KCNQ5: variants seen among roughly 807,000 people sequenced by gnomAD.
The protein encoded by KCNQ5 is potassium voltage-gated channel subfamily KQT member 5.
In KCNQ5, 30 loss-of-function variants were observed where a neutral mutation model predicts 98.2. The ratio of observed to expected loss-of-function variants is 0.31; its 90% CI spans 0.23 to 0.41. The LOEUF is 0.41. KCNQ5 is among the 10% of genes least tolerant of loss of function. The probability of loss-of-function intolerance (pLI) is 1.00; values close to 1 mark genes in which losing one functional copy is unlikely to be tolerated. For missense variants in KCNQ5, 835 were observed against 1,182.5 expected (o/e 0.71, Z 4.31); for synonymous variants, 458 against 449.4 (o/e 1.02, Z -0.24).
At chr6:72,739,887 A>G (rs1453802984) in intron 1 of KCNQ5, among the ~76,000 whole-genome samples, 1 of 152,216 alleles carries the variant, frequency 6.6e-6, no homozygotes, top group Non-Finnish European at 1.5e-5. Context: ...AGTTTAGGCT[A>G]TTATATTAAT....
chr6:73,108,597 C>T (rs923302809), intron 6 of KCNQ5, among the ~76,000 whole-genome samples: 13 of 152,126 alleles, frequency 8.5e-5, no homozygotes, highest in African/African-American at 2.7e-4. Context: ...GAGGCCGAGG[C>T]GGTCGGATCA....
intron 3 of KCNQ5, among the ~76,000 whole-genome samples, chr6:73,057,602 A>G (rs1487248255): frequency 6.6e-6 from 1 of 152,178 alleles, no homozygotes; most frequent in Non-Finnish European, 1.5e-5. Context: ...GTAATCTGAG[A>G]TGATATAAAT....
At chr6:72,969,841 A>G (rs953968880) in intron 1 of KCNQ5, among the ~76,000 whole-genome samples, 1 of 152,184 alleles carries the variant, frequency 6.6e-6, no homozygotes, top group Non-Finnish European at 1.5e-5. Flanking sequence ...CACTCCCAGG[A>G]ATTCAGGTAC....
chr6:72,850,495 C>T (rs1014656376), intron 1 of KCNQ5, among the ~76,000 whole-genome samples: 4 of 152,214 alleles, frequency 2.6e-5, no homozygotes, highest in Non-Finnish European at 5.9e-5. Context: ...TTCATTGTAA[C>T]TCCTGGAAAA....
At chr6:73,170,936 AAAAATAAAAT>A (rs149081545) in intron 11 of KCNQ5, among the ~76,000 whole-genome samples, 7,598 of 152,066 alleles carry the variant, frequency 0.05, 236 homozygotes, top group Middle Eastern at 0.088. Context: ...TCTGCCTCCA[AAAAATAAAAT>A]AAAATAAAAT....
intron 1 of KCNQ5, among the ~76,000 whole-genome samples, chr6:72,704,664 T>C (rs1768985877): frequency 6.6e-6 from 1 of 152,114 alleles, no homozygotes; most frequent in Non-Finnish European, 1.5e-5. Context: ...TCCATTCATG[T>C]AAATATAAAG....
chr6:72,854,467 T>C (rs886971206), intron 1 of KCNQ5, among the ~76,000 whole-genome samples: 4 of 151,858 alleles, frequency 2.6e-5, no homozygotes, highest in African/African-American at 9.7e-5. Flanking sequence ...TATGTGTTCA[T>C]TTATGTAAAA....
chr6:73,106,413 A>G (rs1005248414), intron 6 of KCNQ5, among the ~76,000 whole-genome samples: 2 of 152,200 alleles, frequency 1.3e-5, no homozygotes, highest in Non-Finnish European at 2.9e-5. Context: ...GGCTGCCTTA[A>G]CAAGTACCAC....
chr6:73,195,458 A>G lies in KCNQ5; in HGVS notation c.*44A>G, dbSNP rs1562230583. Reference sequence around the variant, plus strand: ...AGGCATAGCAGTTCTTTAGCCATACATATCATTGCATGAACTATTTCGAAA... The same window carrying G: ...AGGCATAGCAGTTCTTTAGCCATACGTATCATTGCATGAACTATTTCGAAA... On this transcript the variant is annotated 3_prime_UTR_variant, in exon 14 of 14. Transcript: ENST00000370398. 1.3e-6 allele frequency: 2 copies of G among 1,577,168 alleles called. No individual in the cohort carries two copies. Among genetic ancestry groups the G allele is most frequent in the Non-Finnish European group, 1.7e-6 (2 of 1,162,356 alleles).
chr6:72,857,274 T>G (rs1268049321), intron 1 of KCNQ5, among the ~76,000 whole-genome samples: 5 of 151,994 alleles, frequency 3.3e-5, no homozygotes, highest in Non-Finnish European at 7.4e-5. Flanking sequence ...CATTTTATTC[T>G]TTTTTTTCAT....
At chr6:72,656,818 G>A (rs964267070) in intron 1 of KCNQ5, among the ~76,000 whole-genome samples, 2 of 152,100 alleles carry the variant, frequency 1.3e-5, no homozygotes, top group African/African-American at 4.8e-5. Context: ...CACTGCCATT[G>A]ACCATTGCAT....
At chr6:72,956,596 G>A (rs1767079061) in intron 1 of KCNQ5, among the ~76,000 whole-genome samples, 1 of 143,242 alleles carries the variant, frequency 7.0e-6, no homozygotes, top group Non-Finnish European at 1.5e-5. Flanking sequence ...GGTAGAAACA[G>A]GGTCTTGCTA....
Position 73,055,629 on chromosome 6 carries a change from T to C in KCNQ5, c.616+13567T>C. 4 of 1,202,662 alleles carry C rather than the reference T, an allele frequency of 3.3e-6. No homozygotes were observed. In the South Asian group the frequency reaches 4.8e-5, roughly 15 times the overall value. The allele number at this position is 1,202,662 out of a possible 1,614,324, so 74.5% of individuals were successfully genotyped here. A position where few individuals can be genotyped will look rare whatever the true frequency, so the allele number is the denominator to read the frequency against. On this transcript the variant is annotated intron_variant, in intron 3 of 13. Coordinates refer to ENST00000370398, the MANE Select transcript of KCNQ5 (RefSeq NM_019842.4). ...CCCCAGATCAAGGAGGGGAAATGGG[T>C]ACTGACTGCAGCCCATGGCAACAGC... is the stretch of plus-strand genomic sequence containing the variant.
At chr6:73,089,413 C>A (rs751388333) in intron 5 of KCNQ5, among the ~76,000 whole-genome samples, 1 of 151,902 alleles carries the variant, frequency 6.6e-6, no homozygotes, top group Non-Finnish European at 1.5e-5. Context: ...TGTCCCCCAG[C>A]GATTATTTTT....
chr6:72,916,425 G>A lies in KCNQ5; in HGVS notation c.399-87483G>A, dbSNP rs12660812. ...AACCAAAAGAAAATCTAAGCAAGCC[G>A]GAGGGGAATAAAAAATAGGAACTGT... On this transcript the variant is annotated intron_variant, in intron 1 of 13. Coordinates refer to ENST00000370398, the MANE Select transcript of KCNQ5 (RefSeq NM_019842.4). Among the ~76,000 whole-genome samples the A allele has an allele frequency of 6.5e-3, 994 of 152,214 alleles. 4 individuals carry two copies. The highest frequency in any genetic ancestry group is 0.021 in the East Asian group (106 of 5,166).
chr6:72,805,299 G>A (rs1774895248), intron 1 of KCNQ5, among the ~76,000 whole-genome samples: 1 of 152,060 alleles, frequency 6.6e-6, no homozygotes, highest in Admixed American at 6.6e-5. Context: ...ATAGTTTGGG[G>A]TCTTAGACTT....
chr6:73,036,296 G>T (rs1771422385), intron 2 of KCNQ5, among the ~76,000 whole-genome samples: 1 of 148,628 alleles, frequency 6.7e-6, no homozygotes, highest in East Asian at 2.0e-4. Context: ...TGAGGCAGGC[G>T]AATGGCATTA....
intron 1 of KCNQ5, among the ~76,000 whole-genome samples, chr6:72,909,947 G>C: frequency 6.6e-6 from 1 of 152,186 alleles, no homozygotes; most frequent in Admixed American, 6.5e-5. Flanking sequence ...TAATCAGTGA[G>C]AACAGTTCCA....
intron 11 of KCNQ5, among the ~76,000 whole-genome samples, chr6:73,173,900 G>T (rs1778110302): frequency 6.6e-6 from 1 of 152,106 alleles, no homozygotes; most frequent in African/African-American, 2.4e-5. Context: ...AACAGAAATT[G>T]TATTTATGTA....
Sources: gnomAD v4.1 joint callset for allele counts (sites outside exome capture counted in the v4.1 genomes callset) on GRCh38, gnomAD v4.1.1 for gene constraint, MANE v1.5 for transcripts, NCBI Gene and HGNC (gene_info 2026-07-23, HGNC 2026-07-21) for gene names.